Variants in LPAR1 observed in about 807,000 individuals in gnomAD.
The protein encoded by LPAR1 is lysophosphatidic acid receptor 1.
A neutral mutation model predicts 23.8 loss-of-function variants in LPAR1; 5 were observed. The ratio of observed to expected loss-of-function variants is 0.21; its 90% CI spans 0.11 to 0.44. The LOEUF (loss-of-function observed/expected upper bound fraction) is 0.44, where lower values mean the gene tolerates loss of function less well. Among genes scored for constraint, LPAR1 ranks in the 20% least tolerant of loss-of-function variants. LPAR1 has a pLI of 0.99. For synonymous variants in LPAR1, 160 were observed against 164.7 expected, an observed-to-expected ratio of 0.97 and a Z score of 0.22; for missense variants, 311 against 482.8, an observed-to-expected ratio of 0.64 and a Z score of 3.33.
At chr9:110,897,255 C>T (rs529490412) in intron 5 of LPAR1, among the ~76,000 whole-genome samples, 1 of 152,236 alleles carries the variant, frequency 6.6e-6, no homozygotes, top group Non-Finnish European at 1.5e-5. Flanking sequence ...CCGTGCTGTT[C>T]TCATGATAGC....
chr9:110,968,347 G>A (rs1305440627), intron 4 of LPAR1, among the ~76,000 whole-genome samples: 1 of 152,054 alleles, frequency 6.6e-6, no homozygotes. Context: ...GGTATAGGTG[G>A]CTCTAGGGAC....
intron 5 of LPAR1, among the ~76,000 whole-genome samples, chr9:110,913,807 T>G (rs1163019628): frequency 6.6e-6 from 1 of 152,126 alleles, no homozygotes; most frequent in Non-Finnish European, 1.5e-5. Flanking sequence ...TTTAAATTGT[T>G]GAGTAGGAAG....
chr9:110,924,516 A>C (rs1316195500), intron 5 of LPAR1, among the ~76,000 whole-genome samples: 1 of 152,056 alleles, frequency 6.6e-6, no homozygotes, highest in Non-Finnish European at 1.5e-5. Flanking sequence ...TTCCTTAATG[A>C]ATATGCATTA....
At chr9:111,035,615 G>A (rs1256405206) in intron 2 of LPAR1, among the ~76,000 whole-genome samples, 1 of 152,112 alleles carries the variant, frequency 6.6e-6, no homozygotes, top group Non-Finnish European at 1.5e-5. Flanking sequence ...AAGACTATTG[G>A]ACTTTAAACC....
chr9:110,936,152 T>C (rs2094694007), intron 5 of LPAR1, among the ~76,000 whole-genome samples: 1 of 152,146 alleles, frequency 6.6e-6, no homozygotes, highest in African/African-American at 2.4e-5. Flanking sequence ...CCCGAGTGCT[T>C]TGCAGCTCTT....
At position 110,997,245 on chromosome 9, in the gene LPAR1, G is replaced by A. The variant is rs147822467; in HGVS notation, c.-181-23687C>T. 1.7e-3 allele frequency among the ~76,000 whole-genome samples: 259 copies of A among 152,190 alleles called. 2 individuals carry two copies. Among genetic ancestry groups the A allele is most frequent in the African/African-American group, 6.1e-3 (253 of 41,530 alleles). On this transcript the variant is annotated intron_variant, in intron 2 of 5. Transcript: ENST00000683809. ...ATTCCATCATTTACTTAGTTTTGGG[G>A]CCCCATCTACTTCCAAATAAGTTTC...
Position 110,875,310 on chromosome 9 carries a change from A to G in LPAR1, c.*111T>C. 1.2e-6 allele frequency: 1 copy of G among 829,564 alleles called. No homozygotes were observed. The highest frequency in any genetic ancestry group is 3.7e-4 in the Middle Eastern group (1 of 2,692). 51.4% of individuals were successfully genotyped at this position (829,564 alleles called of 1,614,324 possible). ...CTGTCATTGGTTAGTGTTTAAGTACATGAGTTGACTTTTCTCCTCTCTCAC... is the reference window on the plus strand; with the variant it reads ...CTGTCATTGGTTAGTGTTTAAGTACGTGAGTTGACTTTTCTCCTCTCTCAC... On this transcript the variant is annotated 3_prime_UTR_variant, in exon 6 of 6. Transcript: ENST00000683809.
intron 5 of LPAR1, among the ~76,000 whole-genome samples, chr9:110,935,751 T>C (rs4978970): frequency 0.63 from 96,452 of 152,114 alleles, 32,021 homozygotes; most frequent in East Asian, 0.97. Flanking sequence ...CCTGTTTTCA[T>C]TCCCAAAAGC....
chr9:110,875,712 G>T lies in LPAR1; in HGVS notation c.804C>A (p.Ile268=). ...KTVVIVLGAF[I]ICWTPGLVLL... Reference sequence around the variant, plus strand: ...AAACCAATCCAGGAGTCCAGCAGATGATAAAGGCCCCTACAAGGACAAGGA... The same window carrying T: ...AAACCAATCCAGGAGTCCAGCAGATTATAAAGGCCCCTACAAGGACAAGGA... Residue 268 remains isoleucine, a synonymous_variant, in exon 6 of 6, where the codon ATC becomes ATA. Coordinates refer to ENST00000683809, the MANE Select transcript of LPAR1 (RefSeq NM_001351411.2). The T allele has an allele frequency of 6.3e-7, 1 of 1,592,870 alleles. No homozygotes were observed.
At chr9:110,964,382 T>C (rs1228619423) in intron 4 of LPAR1, among the ~76,000 whole-genome samples, 1 of 152,204 alleles carries the variant, frequency 6.6e-6, no homozygotes, top group Non-Finnish European at 1.5e-5. Flanking sequence ...TCAAGTGATA[T>C]TAAGGAGTTA....
chr9:111,032,225 T>G (rs1033976238), intron 2 of LPAR1, among the ~76,000 whole-genome samples: 6 of 152,214 alleles, frequency 3.9e-5, no homozygotes, highest in Non-Finnish European at 8.8e-5. Flanking sequence ...GTAGCGAAAC[T>G]GGAGATAGAA....
At chr9:110,902,417 G>GA (rs2089556628) in intron 5 of LPAR1, among the ~76,000 whole-genome samples, 4 of 152,058 alleles carry the variant, frequency 2.6e-5, no homozygotes, top group African/African-American at 9.7e-5. Context: ...GACATCTGAT[G>GA]GGTTTATAAG....
intron 5 of LPAR1, among the ~76,000 whole-genome samples, chr9:110,918,087 T>C (rs896189902): frequency 2.0e-5 from 3 of 151,940 alleles, no homozygotes. Context: ...TTTTTGTTTG[T>C]TTGTTTGTTT....
intron 5 of LPAR1, among the ~76,000 whole-genome samples, chr9:110,916,232 G>T (rs1003519509): frequency 1.1e-4 from 16 of 152,070 alleles, no homozygotes; most frequent in African/African-American, 3.9e-4. Context: ...GGGACTGCCT[G>T]TATTTTACAA....
At chr9:111,012,773 T>C (rs1365616608) in intron 2 of LPAR1, among the ~76,000 whole-genome samples, 1 of 151,794 alleles carries the variant, frequency 6.6e-6, no homozygotes, top group Non-Finnish European at 1.5e-5. Flanking sequence ...ACTAAGAAAC[T>C]GTTCAATTGA....
intron 5 of LPAR1, among the ~76,000 whole-genome samples, chr9:110,896,210 T>C (rs1300951507): frequency 6.6e-6 from 1 of 152,216 alleles, no homozygotes; most frequent in Non-Finnish European, 1.5e-5. Context: ...TTGACTATGC[T>C]GCGTACTTTC....
intron 5 of LPAR1, among the ~76,000 whole-genome samples, chr9:110,936,840 C>T (rs1215223992): frequency 6.6e-6 from 1 of 152,124 alleles, no homozygotes; most frequent in African/African-American, 2.4e-5. Flanking sequence ...GTATCCTGGA[C>T]AGAAGTGTCA....
intron 4 of LPAR1, among the ~76,000 whole-genome samples, chr9:110,969,725 A>AG (rs139169019): frequency 0.022 from 3,359 of 152,092 alleles, 42 homozygotes; most frequent in Non-Finnish European, 0.037. Flanking sequence ...AAAAAAAAAA[A>AG]GAAATAAATA....
chr9:111,030,704 A>G (rs2097779621), intron 2 of LPAR1, among the ~76,000 whole-genome samples: 1 of 152,158 alleles, frequency 6.6e-6, no homozygotes, highest in Non-Finnish European at 1.5e-5. Flanking sequence ...ACACAGCTGG[A>G]AATAGTTTTC....
Sources: allele counts gnomAD v4.1 joint callset (sites outside exome capture counted in the v4.1 genomes callset), GRCh38; gene constraint gnomAD v4.1.1; transcripts MANE v1.5; gene names NCBI Gene and HGNC (gene_info 2026-07-23, HGNC 2026-07-21).